Variants in HS6ST3 observed in about 807,000 individuals in gnomAD.
HS6ST3 encodes heparan sulfate 6-O-sulfotransferase 3.
Under a neutral mutation model 36.7 loss-of-function variants are expected in HS6ST3, and 12 were observed. That is an observed-to-expected ratio of 0.33 (90% CI 0.21 to 0.53). The LOEUF is 0.53. HS6ST3 is among the 20% of genes least tolerant of loss of function. The pLI, the probability that HS6ST3 is intolerant of heterozygous loss-of-function variation, is 0.95. For synonymous variants in HS6ST3, 240 were observed against 257.5 expected (o/e 0.93, Z 0.65); for missense variants, 584 against 640.9 (o/e 0.91, Z 0.96).
At chr13:96,258,377 A>AC (rs2054647906) in intron 1 of HS6ST3, among the ~76,000 whole-genome samples, 2 of 152,116 alleles carry the variant, frequency 1.3e-5, no homozygotes, top group Admixed American at 1.3e-4. Flanking sequence ...AACAACAACA[A>AC]AAACCCCAAG....
Position 96,680,888 on chromosome 13 carries a change from G to T in HS6ST3, c.708-151602G>T, listed in dbSNP as rs530932576. 5.3e-5 allele frequency among the ~76,000 whole-genome samples: 8 copies of T among 152,324 alleles called. No homozygotes were observed. The South Asian group carries it at 1.7e-3, about 32-fold the overall frequency. On this transcript the variant is annotated intron_variant, in intron 1 of 1. Coordinates refer to ENST00000376705, the MANE Select transcript of HS6ST3 (RefSeq NM_153456.4). Reference sequence around the variant, plus strand: ...TGGGTGGGTGAGAAAGAGCATGAAGGCTTTGGAGCCACATAAACATCTTGG... The same window carrying T: ...TGGGTGGGTGAGAAAGAGCATGAAGTCTTTGGAGCCACATAAACATCTTGG...
At position 96,187,292 on chromosome 13, in the gene HS6ST3, C is replaced by T. The variant is rs191399261; in HGVS notation, c.707+95723C>T. ...AGAATACCTTTACAGCTGAGAATAC[C>T]ACTTCCAAGCTGATCAAATAATTAA... On this transcript the variant is annotated intron_variant, in intron 1 of 1. Coordinates refer to ENST00000376705, the MANE Select transcript of HS6ST3 (RefSeq NM_153456.4). Among the ~76,000 whole-genome samples, 975 of 152,328 alleles carry T rather than the reference C, an allele frequency of 6.4e-3. 3 individuals are homozygous for T. Among genetic ancestry groups the T allele is most frequent in the Middle Eastern group, 0.024 (7 of 294 alleles).
chr13:96,783,368 T>A (rs1214716183), intron 1 of HS6ST3, among the ~76,000 whole-genome samples: 2 of 152,144 alleles, frequency 1.3e-5, no homozygotes, highest in African/African-American at 2.4e-5. Flanking sequence ...CTGGCTGAAT[T>A]TTTTTTATTT....
intron 1 of HS6ST3, 29 bp downstream of exon 1, chr13:96,091,598 T>TGGC: frequency 4.0e-6 from 6 of 1,488,420 alleles, no homozygotes; most frequent in South Asian, 1.2e-5. Flanking sequence ...TCTCTGTTCT[T>TGGC]CCCCCCCACC....
At chr13:96,754,593 T>C (rs1486153108) in intron 1 of HS6ST3, among the ~76,000 whole-genome samples, 1 of 152,190 alleles carries the variant, frequency 6.6e-6, no homozygotes, top group Non-Finnish European at 1.5e-5. Flanking sequence ...AAAAGAAAAG[T>C]TGATGAGAGA....
At chr13:96,400,753 A>G (rs2055446958) in intron 1 of HS6ST3, among the ~76,000 whole-genome samples, 1 of 152,200 alleles carries the variant, frequency 6.6e-6, no homozygotes, top group Non-Finnish European at 1.5e-5. Flanking sequence ...CAAACCTAAG[A>G]GTAGTAAAAT....
rs191729455 is a variant in HS6ST3 at position 96,745,719 on chromosome 13, G to A, written c.708-86771G>A. On this transcript the variant is annotated intron_variant, in intron 1 of 1. Transcript: ENST00000376705. ...GAATTCATTTCAGTGCATTAGATTA[G>A]TTAGGTCTCTGGCTTGACTCACACT... 1.2e-3 allele frequency among the ~76,000 whole-genome samples: 184 copies of A among 152,190 alleles called. 1 individual carries two copies. The highest frequency in any genetic ancestry group is 6.8e-3 in the Middle Eastern group (2 of 294).
At chr13:96,430,601 C>G (rs2055610434) in intron 1 of HS6ST3, among the ~76,000 whole-genome samples, 1 of 152,174 alleles carries the variant, frequency 6.6e-6, no homozygotes, top group African/African-American at 2.4e-5. Flanking sequence ...CTGTGCTAGT[C>G]TCAGAAGGCC....
intron 1 of HS6ST3, among the ~76,000 whole-genome samples, chr13:96,623,281 A>T (rs181897258): frequency 2.2e-4 from 33 of 152,302 alleles, no homozygotes; most frequent in Non-Finnish European, 4.4e-4. Context: ...ATTCTCGAGG[A>T]AACGTTGATT....
At chr13:96,145,569 G>A (rs1214433799) in intron 1 of HS6ST3, among the ~76,000 whole-genome samples, 1 of 152,018 alleles carries the variant, frequency 6.6e-6, no homozygotes, top group Non-Finnish European at 1.5e-5. Context: ...TGTCAGATGA[G>A]TAGGTTGCAA....
At chr13:96,820,382 C>A (rs1393026191) in intron 1 of HS6ST3, among the ~76,000 whole-genome samples, 1 of 151,714 alleles carries the variant, frequency 6.6e-6, no homozygotes, top group African/African-American at 2.4e-5. Context: ...AGGGAGAACG[C>A]TGAAGTGCGG....
At chr13:96,685,337 A>G (rs1229740990) in intron 1 of HS6ST3, among the ~76,000 whole-genome samples, 2 of 152,112 alleles carry the variant, frequency 1.3e-5, no homozygotes, top group Non-Finnish European at 2.9e-5. Flanking sequence ...CAGAAATACG[A>G]CTACTGGATG....
chr13:96,567,334 A>G (rs1055017613), intron 1 of HS6ST3, among the ~76,000 whole-genome samples: 1 of 152,180 alleles, frequency 6.6e-6, no homozygotes, highest in Admixed American at 6.5e-5. Flanking sequence ...AATAGAAAAT[A>G]ATGAGTTACC....
At chr13:96,392,454 A>G (rs1328037765) in intron 1 of HS6ST3, among the ~76,000 whole-genome samples, 1 of 152,180 alleles carries the variant, frequency 6.6e-6, no homozygotes, top group Non-Finnish European at 1.5e-5. Context: ...AACAAACAGC[A>G]CATGAAAAAG....
At chr13:96,677,403 A>C (rs1219757559) in intron 1 of HS6ST3, among the ~76,000 whole-genome samples, 1 of 152,140 alleles carries the variant, frequency 6.6e-6, no homozygotes, top group Non-Finnish European at 1.5e-5. Context: ...CTTTCTGTTA[A>C]TAGGATATGA....
intron 1 of HS6ST3, among the ~76,000 whole-genome samples, chr13:96,574,663 G>A (rs186425869): frequency 8.8e-4 from 134 of 152,264 alleles, no homozygotes; most frequent in African/African-American, 2.3e-3. Context: ...AGGGGTGGTA[G>A]GTTACATTGA....
intron 1 of HS6ST3, among the ~76,000 whole-genome samples, chr13:96,155,064 A>G (rs1201170365): frequency 6.6e-6 from 1 of 152,176 alleles, no homozygotes; most frequent in Non-Finnish European, 1.5e-5. Flanking sequence ...TAAGTTAATC[A>G]TTCAGTTATA....
chr13:96,299,910 G>C (rs1056979225), intron 1 of HS6ST3, among the ~76,000 whole-genome samples: 2 of 151,976 alleles, frequency 1.3e-5, no homozygotes, highest in African/African-American at 4.8e-5. Context: ...AGGTTTAATT[G>C]ACTCACAGCT....
intron 1 of HS6ST3, among the ~76,000 whole-genome samples, chr13:96,699,498 G>T (rs1425395117): frequency 6.6e-6 from 1 of 152,192 alleles, no homozygotes; most frequent in African/African-American, 2.4e-5. Flanking sequence ...ATGAAAAAAT[G>T]CTCATCATCA....
Sources: allele counts gnomAD v4.1 joint callset (sites outside exome capture counted in the v4.1 genomes callset), GRCh38; gene constraint gnomAD v4.1.1; transcripts MANE v1.5; gene names NCBI Gene and HGNC (gene_info 2026-07-23, HGNC 2026-07-21).